SDK2: variants seen among roughly 807,000 people sequenced by gnomAD.
The protein encoded by SDK2 is sidekick cell adhesion molecule 2.
Under a neutral mutation model 253.9 loss-of-function variants are expected in SDK2, and 105 were observed. The observed-to-expected ratio is 0.41, with a 90% confidence interval of 0.35 to 0.49. The LOEUF (loss-of-function observed/expected upper bound fraction) is 0.49. Ranked by LOEUF, SDK2 falls within the 20% of genes least tolerant of loss-of-function variation. The pLI is 0.06. For missense variants in SDK2, 2,608 were observed against 3,003.0 expected (o/e 0.87, Z 3.07); for synonymous variants, 1,249 against 1,234.9 (o/e 1.01, Z -0.24).
At position 73,541,198 on chromosome 17, in the gene SDK2, A is replaced by T. The variant is rs1027241654; in HGVS notation, c.65-33601T>A. On this transcript the variant is annotated intron_variant, in intron 1 of 44. Transcript: ENST00000392650. The surrounding 1 kb of genome is among the most constrained non-coding windows in gnomAD (Gnocchi z 4.3). Reference sequence around the variant, plus strand: ...CTGGGGAGAGGCAGCTGGGCCCCAGAGGGCTGGGGCAGCAGTGAAGGGAGG... The same window carrying T: ...CTGGGGAGAGGCAGCTGGGCCCCAGTGGGCTGGGGCAGCAGTGAAGGGAGG... Among the ~76,000 whole-genome samples the T allele has an allele frequency of 2.0e-5, 3 of 152,126 alleles. No individual in the cohort carries two copies. Among genetic ancestry groups the T allele is most frequent in the African/African-American group, 7.2e-5 (3 of 41,444 alleles).
At chr17:73,522,647 G>T (rs1049713443) in intron 1 of SDK2, among the ~76,000 whole-genome samples, 2 of 152,226 alleles carry the variant, frequency 1.3e-5, no homozygotes, top group African/African-American at 4.8e-5. Flanking sequence ...AGGGAGGTCA[G>T]CAGCTCCCCT....
chr17:73,390,593 G>T, intron 28 of SDK2, 112 bp from the exon 29 acceptor site: 1 of 1,119,974 alleles, frequency 8.9e-7, no homozygotes, highest in Non-Finnish European at 1.3e-6. Flanking sequence ...TGGCCACCTT[G>T]CCGTGGTCCC....
At chr17:73,416,116 G>A (rs1453348761) in intron 16 of SDK2, 124 bp from the exon 17 acceptor site, 1 of 839,604 alleles carries the variant, frequency 1.2e-6, no homozygotes, top group Non-Finnish European at 1.8e-6. Flanking sequence ...CTCTGCACCT[G>A]TGCTGTCCGA....
chr17:73,484,971 AG>A (rs1278957708), intron 2 of SDK2, among the ~76,000 whole-genome samples: 1 of 152,196 alleles, frequency 6.6e-6, no homozygotes, highest in Non-Finnish European at 1.5e-5. Context: ...TCTTCTTAAA[AG>A]GACCCCATCG....
chr17:73,530,142 ACTGTTTATGACAGT>A (rs781400804), intron 1 of SDK2, among the ~76,000 whole-genome samples: 1 of 152,166 alleles, frequency 6.6e-6, no homozygotes, highest in Non-Finnish European at 1.5e-5. Context: ...CTCTCTGGCA[ACTGTTTATGACAGT>A]CCCCTCCTGC....
chr17:73,506,187 C>T (rs2063934579), intron 2 of SDK2, among the ~76,000 whole-genome samples: 2 of 152,350 alleles, frequency 1.3e-5, no homozygotes, highest in African/African-American at 4.8e-5. Context: ...GAGACGGTCA[C>T]AACTTCCTGG....
chr17:73,400,684 G>A (rs2063015949), intron 21 of SDK2, among the ~76,000 whole-genome samples: 1 of 150,646 alleles, frequency 6.6e-6, no homozygotes, highest in South Asian at 2.1e-4. Flanking sequence ...GACGCGATGT[G>A]GCCCTGTCAC....
intron 1 of SDK2, among the ~76,000 whole-genome samples, chr17:73,531,135 C>G (rs1340085245): frequency 6.6e-6 from 1 of 152,200 alleles, no homozygotes; most frequent in East Asian, 1.9e-4. Flanking sequence ...GAAAGTACAG[C>G]TGCTTTTCTT....
chr17:73,604,696 C>T (rs1363315413), intron 1 of SDK2, among the ~76,000 whole-genome samples: 2 of 152,152 alleles, frequency 1.3e-5, no homozygotes, highest in Non-Finnish European at 2.9e-5. Flanking sequence ...CAGGCCTAAG[C>T]TAGTGTGCCA....
chr17:73,493,568 C>T (rs940546844), intron 2 of SDK2, among the ~76,000 whole-genome samples: 10 of 152,192 alleles, frequency 6.6e-5, no homozygotes, highest in Non-Finnish European at 1.2e-4. Context: ...CCTAGCTCCC[C>T]GCTAATTTGC....
rs141352246 is a variant in SDK2 at position 73,345,915 on chromosome 17, TATG to T, written c.6165+2681_6165+2683del. Among the ~76,000 whole-genome samples the T allele has an allele frequency of 7.7e-3, 1,174 of 152,130 alleles. 8 individuals are homozygous for T. The highest frequency in any genetic ancestry group is 0.012 in the Non-Finnish European group (795 of 68,002). ...GGTGCATAATAAATAGTACAGAAAATATGATTCACGGCTGGGTGCTGTGGCTCA... is the reference window on the plus strand; with the variant it reads ...GGTGCATAATAAATAGTACAGAAAATATTCACGGCTGGGTGCTGTGGCTCA... On this transcript the variant is annotated intron_variant, in intron 44 of 44. Transcript: ENST00000392650.
At chr17:73,432,918 CACAG>C (rs2145612835) in intron 10 of SDK2, among the ~76,000 whole-genome samples, 1 of 152,104 alleles carries the variant, frequency 6.6e-6, no homozygotes, top group South Asian at 2.1e-4. Flanking sequence ...AGTGTGCACA[CACAG>C]AGGTGAAGAG....
intron 19 of SDK2, 60 bp from the exon 20 acceptor site, chr17:73,401,812 A>T: frequency 3.4e-6 from 5 of 1,466,138 alleles, no homozygotes; most frequent in Non-Finnish European, 4.7e-6. Flanking sequence ...AGAGACCACC[A>T]TCTGTGAGAT....
intron 3 of SDK2, among the ~76,000 whole-genome samples, chr17:73,463,521 T>TCTCCCCCCTACCCC (rs2063577895): frequency 1.3e-5 from 2 of 152,152 alleles, no homozygotes; most frequent in Non-Finnish European, 2.9e-5. Flanking sequence ...TCCCCTACCC[T>TCTCCCCCCTACCCC]GGATCTCCCC....
At chr17:73,359,147 G>A (rs756359323) in intron 39 of SDK2, among the ~76,000 whole-genome samples, 1 of 152,086 alleles carries the variant, frequency 6.6e-6, no homozygotes, top group Non-Finnish European at 1.5e-5. Flanking sequence ...CTTAGGGGAT[G>A]AGGGAGGGAA....
At chr17:73,343,367 C>T (rs557342007) in intron 44 of SDK2, among the ~76,000 whole-genome samples, 14 of 152,274 alleles carry the variant, frequency 9.2e-5, no homozygotes, top group Non-Finnish European at 2.1e-4. Context: ...TCAGCGACTG[C>T]TGCTCCCGCC....
At chr17:73,436,773 A>G (rs2063373326) in intron 8 of SDK2, among the ~76,000 whole-genome samples, 1 of 151,922 alleles carries the variant, frequency 6.6e-6, no homozygotes, top group Non-Finnish European at 1.5e-5. Flanking sequence ...CGTCTCCGAG[A>G]TCAGGATGTG....
intron 3 of SDK2, among the ~76,000 whole-genome samples, chr17:73,464,554 T>C (rs752200941): frequency 1.3e-5 from 2 of 152,240 alleles, no homozygotes; most frequent in Non-Finnish European, 2.9e-5. Context: ...TGCCGGGATC[T>C]GTCCCCAAGT....
Position 73,643,957 on chromosome 17 carries a change from T to TCCCCCCCCCCCCCCCCCCCCCCCACACCC in SDK2, c.64+67_64+68insGGGTGTGGGGGGGGGGGGGGGGGGGGGGG. The TCCCCCCCCCCCCCCCCCCCCCCCACACCC allele has an allele frequency of 9.8e-7, 1 of 1,020,000 alleles. No individual in the cohort carries two copies. Among genetic ancestry groups the TCCCCCCCCCCCCCCCCCCCCCCCACACCC allele is most frequent in the Non-Finnish European group, 1.5e-6 (1 of 674,884 alleles). 63.2% of individuals were successfully genotyped at this position (1,020,000 alleles called of 1,614,324 possible). A position where few individuals can be genotyped will look rare whatever the true frequency, so the allele number is the denominator to read the frequency against. The stretch of plus-strand genomic sequence containing the variant: ...GGAGGTCACCGTGAGGCCGGCCAGC[T>TCCCCCCCCCCCCCCCCCCCCCCCACACCC]CCCGCCGCCCCTCCCCCGCCCACTC... On this transcript the variant is annotated intron_variant, in intron 1 of 44. Coordinates refer to ENST00000392650, the MANE Select transcript of SDK2 (RefSeq NM_001144952.2). The surrounding 1 kb of genome is among the most constrained non-coding windows in gnomAD (Gnocchi z 6.9).
Sources: allele counts gnomAD v4.1 joint callset (sites outside exome capture counted in the v4.1 genomes callset), GRCh38; gene constraint gnomAD v4.1.1; non-coding constraint Gnocchi (gnomAD v3.1); transcripts MANE v1.5; gene names NCBI Gene and HGNC (gene_info 2026-07-23, HGNC 2026-07-21).